The following GUSB variants were observed in gnomAD, a reference collection of about 807,000 sequenced individuals.
The protein encoded by GUSB is beta-glucuronidase.
Under a neutral mutation model 74.6 loss-of-function variants are expected in GUSB, and 51 were observed. The ratio of observed to expected loss-of-function variants is 0.68; its 90% CI spans 0.55 to 0.86. GUSB has a LOEUF of 0.86. Ranked by LOEUF, GUSB falls within the 40% of genes least tolerant of loss-of-function variation. The pLI is 0.00. For synonymous variants in GUSB, 360 were observed against 348.3 expected, an observed-to-expected ratio of 1.03 and a Z score of -0.37; for missense variants, 736 against 853.7, an observed-to-expected ratio of 0.86 and a Z score of 1.72.
intron 10 of GUSB, 44 bp downstream of exon 10, chr7:65,967,687 C>G: frequency 6.5e-7 from 1 of 1,542,946 alleles, no homozygotes; most frequent in African/African-American, 1.4e-5. Flanking sequence ...AGTGACATCT[C>G]TGCCCTGAGA....
intron 9 of GUSB, among the ~76,000 whole-genome samples, chr7:65,968,285 G>A (rs1177475518): frequency 1.3e-5 from 2 of 148,662 alleles, no homozygotes; most frequent in African/African-American, 5.0e-5. Flanking sequence ...CTGGGGCTGA[G>A]AACGTCCAAG....
At chr7:65,976,267 G>A (rs915816962) in intron 4 of GUSB, 65 bp from the exon 5 acceptor site, 15 of 1,105,250 alleles carry the variant, frequency 1.4e-5, no homozygotes, top group South Asian at 6.2e-5. Flanking sequence ...AAACAGGAGC[G>A]CCCTGCAGCC....
intron 1 of GUSB, among the ~76,000 whole-genome samples, chr7:65,981,251 A>G (rs1583951029): frequency 8.1e-6 from 1 of 122,918 alleles, no homozygotes. Context: ...TTTTTTGGAG[A>G]CGTAGTCTCA....
At position 65,976,066 on chromosome 7, in the gene GUSB, G is replaced by A. The variant is rs753430922; in HGVS notation, c.861C>T (p.Leu287=). 9.3e-6 allele frequency: 15 copies of A among 1,613,814 alleles called. No homozygotes were observed. The Admixed American group carries it at 2.0e-4, about 22-fold the overall frequency. Residue 287 remains leucine (L), a synonymous_variant, in exon 5 of 12, where the codon CTC becomes CTT. Coordinates refer to ENST00000304895, the MANE Select transcript of GUSB (RefSeq NM_000181.4). ...QGQLKVPGVS[L]WWPYLMHERP... ...GTTCGTGCATCAGGTACGGCCACCA[G>A]AGGCTGACACCTGGCACCTTAAGTT...
At chr7:65,969,375 T>C (rs1791050893) in intron 9 of GUSB, among the ~76,000 whole-genome samples, 1 of 151,578 alleles carries the variant, frequency 6.6e-6, no homozygotes, top group African/African-American at 2.4e-5. Context: ...CAAGATTCCA[T>C]CTCAAAATAA....
intron 4 of GUSB, 146 bp from the exon 5 acceptor site, chr7:65,976,348 C>T (rs529825087): frequency 2.9e-5 from 19 of 644,236 alleles, no homozygotes; most frequent in East Asian, 5.7e-5. Context: ...TTTTTTGAGA[C>T]GGAGTCTCAC....
intron 6 of GUSB, 45 bp downstream of exon 6, chr7:65,974,874 G>A (rs776365387): frequency 1.4e-5 from 22 of 1,603,304 alleles, no homozygotes; most frequent in Non-Finnish European, 1.8e-5. Context: ...AAAGTGGAGG[G>A]TGACCAGAAG....
Position 65,982,084 on chromosome 7 carries a change from G to A in GUSB, c.100C>T (p.Pro34Ser), listed in dbSNP as rs780459919. 12 of 1,606,394 alleles carry A rather than the reference G, an allele frequency of 7.5e-6. No individual in the cohort carries two copies. Among genetic ancestry groups the A allele is most frequent in the Non-Finnish European group, 9.3e-6 (11 of 1,177,482 alleles). Reference protein sequence around the residue: ...QGGMLYPQESPSRECKELDGL... With the variant: ...QGGMLYPQESSSRECKELDGL... Reference sequence around the variant, plus strand: ...TCCAGCTCCTTGCACTCCCGCGACGGGCTCTCCTGGGGGTACAGCATCCCG... The same window carrying A: ...TCCAGCTCCTTGCACTCCCGCGACGAGCTCTCCTGGGGGTACAGCATCCCG... Residue 34 changes from proline to serine, a missense_variant, in exon 1 of 12, where the codon CCG (proline) becomes TCG (serine). Pro to Ser is a moderately conservative substitution (Grantham distance 74). Transcript: ENST00000304895.
intron 8 of GUSB, among the ~76,000 whole-genome samples, chr7:65,973,917 G>A (rs576209499): frequency 1.9e-4 from 29 of 151,364 alleles, no homozygotes; most frequent in South Asian, 1.3e-3. Context: ...GGCAACCAGA[G>A]TGAGAACCCA....
In GUSB at chr7:65,964,306, G is replaced by A. The variant is rs368958999; in HGVS notation, c.1789+17C>T. The A allele has an allele frequency of 1.0e-5, 16 of 1,607,782 alleles. No individual in the cohort carries two copies. The highest frequency in any genetic ancestry group is 1.3e-5 in the African/African-American group (1 of 74,732). On this transcript the variant is annotated intron_variant, in intron 11 of 11. Transcript: ENST00000304895. ...TGAGGACGGGTACGTTATCCCATGA[G>A]CCAAACTGCCACTTACACTGTTCAG...
rs1003656203 is a variant in GUSB, at chr7:65,960,821, G to C, written c.*76C>G. 10 of 1,228,156 alleles carry C rather than the reference G, an allele frequency of 8.1e-6. No individual in the cohort carries two copies. The highest frequency in any genetic ancestry group is 1.5e-5 in the African/African-American group (1 of 67,756). 76.1% of individuals were successfully genotyped at this position (1,228,156 alleles called of 1,614,324 possible). A position where few individuals can be genotyped will look rare whatever the true frequency, so the allele number is the denominator to read the frequency against. ...GTTCTGGTCTGCCGTGAACAGTCCA[G>C]GAGGCACTTGTTCTGCTGCTGTGGA... On this transcript the variant is annotated 3_prime_UTR_variant, in exon 12 of 12. Transcript: ENST00000304895.
chr7:65,976,163 A>T lies in GUSB; in HGVS notation c.764T>A (p.Leu255Gln), dbSNP rs140709901. 8.6e-5 allele frequency: 138 copies of T among 1,613,480 alleles called. No individual in the cohort carries two copies. In the African/African-American group the frequency reaches 1.8e-3, roughly 21 times the overall value. Residue 255 changes from leucine to glutamine, a missense_variant, in exon 5 of 12, where the codon CTG (leucine) becomes CAG (glutamine). Transcript: ENST00000304895. ...NYQISVKGSNLFKLEVRLLDA... is the reference protein window; with the variant it reads ...NYQISVKGSNQFKLEVRLLDA... ...CAAAAGACGCACTTCCAACTTGAAC[A>T]GGTTACTGCCCTTGACAGAGATCTG...
rs534930850 is a variant in GUSB at position 65,980,762 on chromosome 7, CT to C, written c.211-354del. On this transcript the variant is annotated intron_variant, in intron 1 of 11. Coordinates refer to ENST00000304895, the MANE Select transcript of GUSB (RefSeq NM_000181.4). ...AGGCTGGTTGGAGGAATGGGGGGAGCTTTGCTTAGGACACTGTGAGTGGGGT... is the reference window on the plus strand; with the variant it reads ...AGGCTGGTTGGAGGAATGGGGGGAGCTTGCTTAGGACACTGTGAGTGGGGT... The C allele has an allele frequency of 2.1e-3, 811 of 383,900 alleles. 6 individuals are homozygous for C. Among genetic ancestry groups the C allele is most frequent in the Non-Finnish European group, 2.0e-3 (404 of 199,606 alleles). The allele number at this position is 383,900 out of a possible 1,614,324, so 23.8% of individuals were successfully genotyped here.
intron 10 of GUSB, among the ~76,000 whole-genome samples, chr7:65,967,247 G>C (rs925778671): frequency 6.6e-6 from 1 of 152,116 alleles, no homozygotes; most frequent in South Asian, 2.1e-4. Context: ...TTGAGGCCAG[G>C]AGTTCAAGAC....
Position 65,974,387 on chromosome 7 carries a change from C to T in GUSB, c.1299G>A (p.Val433=). The change falls in exon 8 of 12, where the codon GTG becomes GTA. Residue 433 remains valine (V), a synonymous_variant. Transcript: ENST00000304895. ...LHHHMQVMEE[V]VRRDKNHPAV... Reference sequence around the variant, plus strand: ...CGGGGTGGTTCTTGTCCCTACGCACCACTTCTTCCATCACCTGCATGTGGT... The same window carrying T: ...CGGGGTGGTTCTTGTCCCTACGCACTACTTCTTCCATCACCTGCATGTGGT... 1 of 1,614,176 alleles carries T rather than the reference C, an allele frequency of 6.2e-7. No individual in the cohort carries two copies.
In GUSB at chr7:65,960,934, G is replaced by GCTA. The variant is rs770237165; in HGVS notation, c.1916_1918dup (p.Val639dup). 8.4e-5 allele frequency: 136 copies of GCTA among 1,613,954 alleles called. 2 individuals carry two copies. In the East Asian group the frequency reaches 2.9e-3, roughly 35 times the overall value. ...GCTGTTTTCCAAACATTGTGACTTGGCTACTGAGTGGGGATACCTGGTTTC... is the reference window on the plus strand; with the variant it reads ...GCTGTTTTCCAAACATTGTGACTTGGCTACTACTGAGTGGGGATACCTGGTTTC... On this transcript the variant is annotated inframe_insertion, in exon 12 of 12. Transcript: ENST00000304895.
chr7:65,967,595 C>T (rs554682109), intron 10 of GUSB, 136 bp downstream of exon 10: 10 of 767,442 alleles, frequency 1.3e-5, no homozygotes, highest in South Asian at 7.0e-5. Context: ...GGTGAGGGAA[C>T]GTGGACGGGG....
Position 65,980,415 on chromosome 7 carries a change from G to A in GUSB, c.211-6C>T, listed in dbSNP as rs1400393564. 6 of 1,612,406 alleles carry A rather than the reference G, an allele frequency of 3.7e-6. No homozygotes were observed. Among genetic ancestry groups the A allele is most frequent in the East Asian group, 2.2e-5 (1 of 44,804 alleles). On this transcript the variant is annotated splice_polypyrimidine_tract_variant and splice_region_variant and intron_variant, in intron 1 of 11. Coordinates refer to ENST00000304895, the MANE Select transcript of GUSB (RefSeq NM_000181.4). ...ATGTCCACGGTGGGGCCTGACTGTG[G>A]AGAGAAGAGCCGGGCTCAGCTCCTA...
chr7:65,970,144 A>G, intron 9 of GUSB, 138 bp downstream of exon 9: 1 of 684,622 alleles, frequency 1.5e-6, no homozygotes, highest in Admixed American at 2.0e-5. Flanking sequence ...CCCTGTCTCT[A>G]TCTTTTTAAG....
Sources: gnomAD v4.1 joint callset for allele counts (sites outside exome capture counted in the v4.1 genomes callset) on GRCh38, gnomAD v4.1.1 for gene constraint, MANE v1.5 for transcripts, NCBI Gene and HGNC (gene_info 2026-07-23, HGNC 2026-07-21) for gene names.